The following DDX1 variants were observed in gnomAD, a reference collection of about 807,000 sequenced individuals.
DDX1 encodes the protein ATP-dependent RNA helicase DDX1.
DDX1 carries 28 observed loss-of-function variants against 108.7 expected under a neutral mutation model. The observed-to-expected ratio is 0.26, with a 90% CI of 0.19 to 0.35. DDX1 has a LOEUF of 0.35. Ranked by LOEUF, DDX1 falls within the 10% of genes least tolerant of loss-of-function variation. The probability of loss-of-function intolerance (pLI) is 1.00; values close to 1 mark genes in which losing one functional copy is unlikely to be tolerated. For synonymous variants in DDX1, 295 were observed against 288.9 expected (o/e 1.02, Z -0.21); for missense variants, 710 against 884.5 (o/e 0.80, Z 2.50).
intron 13 of DDX1, 131 bp from the exon 14 acceptor site, chr2:15,613,093 A>G: frequency 1.6e-6 from 1 of 631,316 alleles, no homozygotes; most frequent in Non-Finnish European, 2.7e-6. Flanking sequence ...GACTTGTTTT[A>G]TTGTAGGCTT....
In DDX1 at chr2:15,628,857, C is replaced by A; in HGVS notation, c.1875+18C>A. ...AAGAAAAGGTAATCTTTGTAGGGCT[C>A]TATTATATTCATTGTGTGTGTTGTG... On this transcript the variant is annotated intron_variant, in intron 23 of 25. Transcript: ENST00000233084. The A allele has an allele frequency of 6.2e-7, 1 of 1,602,178 alleles. No individual in the cohort carries two copies. The highest frequency in any genetic ancestry group is 8.6e-7 in the Non-Finnish European group (1 of 1,169,490).
In DDX1 at chr2:15,607,284, T is replaced by C. The variant is rs1665678764; in HGVS notation, c.927T>C (p.Phe309=). The C allele has an allele frequency of 1.2e-6, 2 of 1,613,118 alleles. No homozygotes were observed. The highest frequency in any genetic ancestry group is 1.3e-5 in the African/African-American group (1 of 75,014). ...AEQTLNNIKQ[F]KKYIDNPKLR... ...AAACTTTGAACAACATCAAGCAGTTTAAGAAATACATTGATAATCCTAAAT... is the reference window on the plus strand; with the variant it reads ...AAACTTTGAACAACATCAAGCAGTTCAAGAAATACATTGATAATCCTAAAT... The change falls in exon 13 of 26, where the codon TTT becomes TTC. Residue 309 remains phenylalanine (F), a synonymous_variant. Coordinates refer to ENST00000233084, the MANE Select transcript of DDX1 (RefSeq NM_004939.3).
At chr2:15,592,917 G>A (rs1191408886) in intron 1 of DDX1, among the ~76,000 whole-genome samples, 1 of 131,756 alleles carries the variant, frequency 7.6e-6, no homozygotes, top group Non-Finnish European at 1.6e-5. Flanking sequence ...TTCTTTTTTG[G>A]GGGGGAGAAT....
intron 17 of DDX1, 29 bp from the exon 18 acceptor site, chr2:15,621,036 A>G: frequency 6.7e-7 from 1 of 1,493,434 alleles, no homozygotes; most frequent in Non-Finnish European, 9.3e-7. Context: ...CCACTCCTCT[A>G]TCCTGTTTTT....
chr2:15,622,468 A>G (rs1666030291), intron 18 of DDX1, among the ~76,000 whole-genome samples: 1 of 152,204 alleles, frequency 6.6e-6, no homozygotes, highest in Non-Finnish European at 1.5e-5. Context: ...ACCTAGAAGA[A>G]TGGATCTTAA....
In DDX1 at chr2:15,617,322, T is replaced by C. The variant is rs1461994422; in HGVS notation, c.1096T>C (p.Phe366Leu). Residue 366 changes from phenylalanine (F) to leucine (L), a missense_variant, in exon 15 of 26, where the codon TTC becomes CTC. Phe to Leu is a conservative substitution (Grantham distance 22, BLOSUM62 0). Coordinates refer to ENST00000233084, the MANE Select transcript of DDX1 (RefSeq NM_004939.3). ...TGKLNLSQVRFLVLDEADGLL... is the reference protein window; with the variant it reads ...TGKLNLSQVRLLVLDEADGLL... ...AAAGCTGAACTTATCTCAAGTTAGA[T>C]TCCTGGTCCTGGATGAAGCTGTATG... 1 of 1,595,954 alleles carries C rather than the reference T, an allele frequency of 6.3e-7. No homozygotes were observed. Among genetic ancestry groups the C allele is most frequent in the South Asian group, 1.1e-5 (1 of 88,192 alleles).
intron 15 of DDX1, among the ~76,000 whole-genome samples, chr2:15,617,872 A>G (rs1455258577): frequency 6.6e-6 from 1 of 152,186 alleles, no homozygotes; most frequent in Non-Finnish European, 1.5e-5. Flanking sequence ...TTAATTTTTT[A>G]TATGAAAAGT....
At chr2:15,597,521 T>A (rs1665521878) in intron 5 of DDX1, 50 bp downstream of exon 5, 1 of 1,200,756 alleles carries the variant, frequency 8.3e-7, no homozygotes, top group East Asian at 2.4e-5. Context: ...TTGGTTCTCA[T>A]CACTGACAGT....
At chr2:15,613,875 C>T (rs1004341677) in intron 14 of DDX1, among the ~76,000 whole-genome samples, 5 of 140,238 alleles carry the variant, frequency 3.6e-5, no homozygotes, top group Non-Finnish European at 7.6e-5. Flanking sequence ...TCACTCTTGT[C>T]GCCCAGGCTG....
intron 25 of DDX1, 25 bp downstream of exon 25, chr2:15,630,135 C>T (rs1427879344): frequency 6.2e-7 from 1 of 1,610,078 alleles, no homozygotes; most frequent in Admixed American, 1.7e-5. Flanking sequence ...ATTTTAAATA[C>T]AATTTTAAAT....
rs1157559293 is a variant in DDX1, at chr2:15,600,740, C to CTTTTT, written c.307+1046_307+1050dup. Among the ~76,000 whole-genome samples, 14 of 73,540 alleles carry CTTTTT rather than the reference C, an allele frequency of 1.9e-4. 1 individual carries two copies. Among genetic ancestry groups the CTTTTT allele is most frequent in the African/African-American group, 3.0e-4 (5 of 16,588 alleles). 48.2% of individuals were successfully genotyped at this position (73,540 alleles called of 152,430 possible). ...ATACTTTTTTTCTTATTTGCATTTT[C>CTTTTT]TTTTTTTTTTTTTTTTTTTTTTTTT... On this transcript the variant is annotated intron_variant, in intron 6 of 25. Transcript: ENST00000233084.
At chr2:15,610,052 A>T (rs1241089932) in intron 13 of DDX1, among the ~76,000 whole-genome samples, 2 of 152,082 alleles carry the variant, frequency 1.3e-5, no homozygotes, top group East Asian at 3.9e-4. Flanking sequence ...CTCCCACCTA[A>T]GCCTCCAGAG....
intron 13 of DDX1, among the ~76,000 whole-genome samples, chr2:15,609,942 G>A (rs1398210239): frequency 6.6e-6 from 1 of 151,998 alleles, no homozygotes; most frequent in African/African-American, 2.4e-5. Flanking sequence ...TTTTGGTTTT[G>A]GTTTTATTTT....
intron 4 of DDX1, among the ~76,000 whole-genome samples, 166 bp downstream of exon 4, chr2:15,596,929 G>A (rs564436290): frequency 6.6e-6 from 1 of 152,268 alleles, no homozygotes; most frequent in East Asian, 1.9e-4. Context: ...TAATTATGAA[G>A]AGCTAAAAAA....
intron 18 of DDX1, among the ~76,000 whole-genome samples, chr2:15,621,799 C>T (rs564559765): frequency 6.6e-5 from 10 of 151,858 alleles, no homozygotes; most frequent in Middle Eastern, 3.4e-3. Flanking sequence ...ATTACAGGCA[C>T]GTGCCACTAC....
rs1665673716 is a variant in DDX1 at position 15,607,043 on chromosome 2, TTGAC to T, written c.818-129_818-126del. The T allele has an allele frequency of 6.7e-6, 6 of 895,136 alleles. No homozygotes were observed. In the Admixed American group the frequency reaches 1.3e-4, roughly 19 times the overall value. 55.4% of individuals were successfully genotyped at this position (895,136 alleles called of 1,614,324 possible). A position where few individuals can be genotyped will look rare whatever the true frequency, so the allele number is the denominator to read the frequency against. ...TTTAGAAATCTAAGGTTTATTCTGTTTGACTGTCTTCTCTACTTTTTGACAATTA... is the reference window on the plus strand; with the variant it reads ...TTTAGAAATCTAAGGTTTATTCTGTTTGTCTTCTCTACTTTTTGACAATTA... On this transcript the variant is annotated intron_variant, in intron 12 of 25. Transcript: ENST00000233084.
At chr2:15,615,248 G>A (rs1665873758) in intron 14 of DDX1, among the ~76,000 whole-genome samples, 1 of 152,116 alleles carries the variant, frequency 6.6e-6, no homozygotes, top group South Asian at 2.1e-4. Context: ...TGCAACATGT[G>A]CCACTGAGGT....
intron 16 of DDX1, among the ~76,000 whole-genome samples, chr2:15,619,530 C>G (rs572959511): frequency 5.3e-4 from 81 of 152,368 alleles, no homozygotes; most frequent in African/African-American, 1.9e-3. Flanking sequence ...AGCAGCTGCT[C>G]CTGACGGCCT....
chr2:15,624,880 C>T (rs1335024195), intron 19 of DDX1, among the ~76,000 whole-genome samples: 1 of 152,142 alleles, frequency 6.6e-6, no homozygotes, highest in African/African-American at 2.4e-5. Flanking sequence ...ATGGTATGAG[C>T]ACTTTAGCAA....
Sources: allele counts gnomAD v4.1 joint callset (sites outside exome capture counted in the v4.1 genomes callset), GRCh38; gene constraint gnomAD v4.1.1; transcripts MANE v1.5; gene names NCBI Gene and HGNC (gene_info 2026-07-23, HGNC 2026-07-21).